Variants in NFASC observed in about 807,000 individuals in gnomAD.
The protein encoded by NFASC is neurofascin.
In NFASC, 43 loss-of-function variants were observed where a neutral mutation model predicts 147.5. The ratio of observed to expected loss-of-function variants is 0.29; its 90% confidence interval spans 0.23 to 0.38. The LOEUF (loss-of-function observed/expected upper bound fraction) is 0.38, where lower values mean the gene tolerates loss of function less well. Ranked by LOEUF, NFASC falls within the 10% of genes least tolerant of loss-of-function variation. The probability of loss-of-function intolerance (pLI) is 1.00; values close to 1 mark genes in which losing one functional copy is unlikely to be tolerated. For synonymous variants in NFASC, 622 were observed against 665.5 expected, an observed-to-expected ratio of 0.93 and a Z score of 1.01; for missense variants, 1,320 against 1,689.0, an observed-to-expected ratio of 0.78 and a Z score of 3.83.
At chr1:204,849,828 G>A (rs1258784369) in intron 1 of NFASC, among the ~76,000 whole-genome samples, 4 of 152,210 alleles carry the variant, frequency 2.6e-5, no homozygotes, top group Non-Finnish European at 5.9e-5. Flanking sequence ...TGAGGGCCAG[G>A]AGTCCCAATC....
chr1:204,839,595 T>C (rs1049141914), intron 1 of NFASC, among the ~76,000 whole-genome samples: 1 of 152,112 alleles, frequency 6.6e-6, no homozygotes, highest in African/African-American at 2.4e-5. Flanking sequence ...GTGACAGAGC[T>C]GCCTTTATGG....
chr1:204,916,601 G>A (rs1176425115), intron 1 of NFASC, among the ~76,000 whole-genome samples: 1 of 152,176 alleles, frequency 6.6e-6, no homozygotes, highest in Non-Finnish European at 1.5e-5. Context: ...GGTGAGGAAG[G>A]ATTTATTAAC....
intron 1 of NFASC, among the ~76,000 whole-genome samples, chr1:204,876,622 C>T (rs1221533503): frequency 1.3e-5 from 2 of 152,166 alleles, no homozygotes; most frequent in Non-Finnish European, 2.9e-5. Flanking sequence ...CTCCTTCCAG[C>T]CCCTGGCAAC....
At chr1:204,989,751 C>G (rs1222186712) in intron 23 of NFASC, 1 of 152,258 alleles carries the variant, frequency 6.6e-6, no homozygotes, top group Non-Finnish European at 1.5e-5. Context: ...GGGGAGTCAT[C>G]TATAAGAATA....
chr1:205,012,843 A>T lies in NFASC; in HGVS notation c.3468A>T (p.Glu1156Asp), dbSNP rs1311664501. 2 of 1,613,384 alleles carry T rather than the reference A, an allele frequency of 1.2e-6. No homozygotes were observed. The highest frequency in any genetic ancestry group is 1.7e-6 in the Non-Finnish European group (2 of 1,179,304). ...DVPLGPEDPKEEDGSFDYSDE... is the reference protein window; with the variant it reads ...DVPLGPEDPKDEDGSFDYSDE... Reference sequence around the variant, plus strand: ...CCCTTGGCCCTGAAGACCCCAAGGAAGAGGATGGCTCATTTGACTATAGGT... The same window carrying T: ...CCCTTGGCCCTGAAGACCCCAAGGATGAGGATGGCTCATTTGACTATAGGT... Residue 1156 changes from glutamate to aspartate, a missense_variant, in exon 29 of 30, where the codon GAA becomes GAT. Glu to Asp is a conservative substitution (Grantham distance 45). Around this residue, in one of 3 missense-constraint regions of NFASC, gnomAD observed 167 missense variants for 233.8 expected, o/e 0.71. Transcript: ENST00000339876.
rs1313920825 is a variant in NFASC, at chr1:204,968,382, T to A, written c.818+22T>A. 2 of 1,566,450 alleles carry A rather than the reference T, an allele frequency of 1.3e-6. No individual in the cohort carries two copies. Among genetic ancestry groups the A allele is most frequent in the Non-Finnish European group, 1.8e-6 (2 of 1,136,724 alleles). ...GGGTGTATGTGCGGTTTGCAGCCCCTCTTCTAGCCACCCTCCAGGAGGATG... is the reference window on the plus strand; with the variant it reads ...GGGTGTATGTGCGGTTTGCAGCCCCACTTCTAGCCACCCTCCAGGAGGATG... On this transcript the variant is annotated intron_variant, in intron 9 of 29. Transcript: ENST00000339876. This position sits in a 1 kb window ranked among gnomAD's most constrained non-coding sequence, Gnocchi z 5.4.
intron 5 of NFASC, 100 bp downstream of exon 5, chr1:204,952,216 A>G: frequency 1.1e-6 from 1 of 912,764 alleles, no homozygotes; most frequent in Non-Finnish European, 1.7e-6. Context: ...GGACTCATCC[A>G]TTCCAAAAAA....
chr1:204,954,360 A>G lies in NFASC; in HGVS notation c.388A>G (p.Asn130Asp). ...CAACAAATTTGGCACGGCCCTGTCC[A>G]ATAGGATCCGCCTGCAGGTGTCTAG... is the stretch of plus-strand genomic sequence containing the variant. Reference protein sequence around the residue: ...ARNKFGTALSNRIRLQVSKSP... With the variant: ...ARNKFGTALSDRIRLQVSKSP... Residue 130 changes from asparagine (N) to aspartate (D), a missense_variant, in exon 6 of 30, where the codon AAT (asparagine) becomes GAT (aspartate). Physicochemically the swap from Asn to Asp is conservative, Grantham distance 23. Coordinates refer to ENST00000339876, the MANE Select transcript of NFASC (RefSeq NM_001005388.3). The surrounding 1 kb of genome is among the most constrained non-coding windows in gnomAD (Gnocchi z 5.7). 1 of 1,614,166 alleles carries G rather than the reference A, an allele frequency of 6.2e-7. No individual in the cohort carries two copies. Among genetic ancestry groups the G allele is most frequent in the Non-Finnish European group, 8.5e-7 (1 of 1,180,020 alleles).
rs137884159 is a variant in NFASC at position 204,898,509 on chromosome 1, TATC to T, written c.-199-22120_-199-22118del. 7.5e-3 allele frequency among the ~76,000 whole-genome samples: 1,136 copies of T among 152,296 alleles called. 12 individuals carry two copies. Among genetic ancestry groups the T allele is most frequent in the African/African-American group, 0.026 (1,094 of 41,556 alleles). ...CTGAGGAAGAACTTTTTATTTTTCTTATCATTAAAGTGTAAGAGGAAGCATGAA... is the reference window on the plus strand; with the variant it reads ...CTGAGGAAGAACTTTTTATTTTTCTTATTAAAGTGTAAGAGGAAGCATGAA... On this transcript the variant is annotated intron_variant, in intron 1 of 29. Transcript: ENST00000339876.
At chr1:204,976,961 G>A in intron 16 of NFASC, 166 bp downstream of exon 16, 2 of 1,396,928 alleles carry the variant, frequency 1.4e-6, no homozygotes, top group Non-Finnish European at 1.9e-6. Flanking sequence ...GGAGCTGCCA[G>A]TTTCAGAACA....
intron 1 of NFASC, among the ~76,000 whole-genome samples, chr1:204,866,904 T>C (rs1194506656): frequency 1.3e-5 from 2 of 152,132 alleles, no homozygotes; most frequent in African/African-American, 4.8e-5. Flanking sequence ...CCATGGTTAG[T>C]GCGTGGACAT....
In NFASC at chr1:204,986,268, G is replaced by A. The variant is rs1344108925; in HGVS notation, c.2471-1150G>A. 1.3e-5 allele frequency among the ~76,000 whole-genome samples: 2 copies of A among 152,224 alleles called. No homozygotes were observed. The highest frequency in any genetic ancestry group is 3.9e-4 in the East Asian group (2 of 5,188). On this transcript the variant is annotated intron_variant, in intron 21 of 29. Coordinates refer to ENST00000339876, the MANE Select transcript of NFASC (RefSeq NM_001005388.3). The surrounding 1 kb of genome is among the most constrained non-coding windows in gnomAD (Gnocchi z 4.2). ...ATGACCTGCAAGCCGAGCCACTACA[G>A]CCATTCCCAGACCACCATCGCCAAG...
At chr1:205,009,428 G>A (rs566523459) in intron 27 of NFASC, 129 bp from the exon 28 acceptor site, 2 of 990,870 alleles carry the variant, frequency 2.0e-6, no homozygotes, top group South Asian at 1.3e-5. Context: ...CCAGGGGGCT[G>A]CTAGGTGGTA....
At chr1:204,944,664 G>A in intron 3 of NFASC, 1 of 481,724 alleles carries the variant, frequency 2.1e-6, no homozygotes, top group East Asian at 3.6e-5. Flanking sequence ...GGAGCCAGCT[G>A]AGTGGGACTA....
At chr1:204,907,103 G>A (rs1233858430) in intron 1 of NFASC, among the ~76,000 whole-genome samples, 2 of 152,160 alleles carry the variant, frequency 1.3e-5, no homozygotes, top group East Asian at 3.8e-4. Context: ...AGTTCCAGTG[G>A]CTGTACATCC....
rs963013365 is a variant in NFASC at position 205,018,900 on chromosome 1, G to C, written c.*2361G>C. ...TGGGAAGGGCTGCTTCTCTCGTAAG[G>C]GTCTTGGGGAGAAGTAAGCCCGCAG... On this transcript the variant is annotated 3_prime_UTR_variant, in exon 30 of 30. Coordinates refer to ENST00000339876, the MANE Select transcript of NFASC (RefSeq NM_001005388.3). The C allele has an allele frequency of 2.6e-5, 4 of 152,206 alleles. No homozygotes were observed. The highest frequency in any genetic ancestry group is 7.2e-5 in the African/African-American group (3 of 41,430). The allele number at this position is 152,206 out of a possible 1,614,324, so 9.4% of individuals were successfully genotyped here.
intron 1 of NFASC, among the ~76,000 whole-genome samples, chr1:204,847,037 TTC>T (rs2075238157): frequency 6.6e-6 from 1 of 151,698 alleles, no homozygotes; most frequent in African/African-American, 2.4e-5. Flanking sequence ...GGTAGGAGAT[TTC>T]TGTCTCCACT....
At chr1:204,863,938 GA>G (rs1558515210) in intron 1 of NFASC, among the ~76,000 whole-genome samples, 1 of 121,630 alleles carries the variant, frequency 8.2e-6, no homozygotes, top group African/African-American at 2.8e-5. Context: ...GGAAGAAAGA[GA>G]GAGAGAAAGA....
Position 204,916,100 on chromosome 1 carries a change from G to A in NFASC, c.-199-4532G>A, listed in dbSNP as rs971768626. Among the ~76,000 whole-genome samples the A allele has an allele frequency of 5.9e-5, 9 of 152,132 alleles. 1 individual carries two copies. The highest frequency in any genetic ancestry group is 3.9e-4 in the East Asian group (2 of 5,182). On this transcript the variant is annotated intron_variant, in intron 1 of 29. Transcript: ENST00000339876. ...GAGGAACGAATGAGGTGTCTGCAGC[G>A]TGGCTGCTTCATCTGACCTTCTGGA...
Sources: allele counts gnomAD v4.1 joint callset (sites outside exome capture counted in the v4.1 genomes callset), GRCh38; gene constraint gnomAD v4.1.1; regional missense constraint gnomAD v4.1.1; non-coding constraint Gnocchi (gnomAD v3.1); transcripts MANE v1.5; gene names NCBI Gene and HGNC (gene_info 2026-07-23, HGNC 2026-07-21).